The following STXBP4 variants were observed in gnomAD, a reference collection of about 807,000 sequenced individuals.
The protein encoded by STXBP4 is syntaxin binding protein 4.
A neutral mutation model predicts 76.1 loss-of-function variants in STXBP4; 55 were observed. The ratio of observed to expected loss-of-function variants is 0.72; its 90% confidence interval spans 0.58 to 0.91. The LOEUF (loss-of-function observed/expected upper bound fraction) is 0.91. STXBP4 is among the 40% of genes least tolerant of loss of function. STXBP4 has a pLI of 0.00. For synonymous variants in STXBP4, 201 were observed against 220.2 expected, an observed-to-expected ratio of 0.91 and a Z score of 0.77; for missense variants, 618 against 636.9, an observed-to-expected ratio of 0.97 and a Z score of 0.32.
chr17:55,123,122 T>C (rs1033651379), intron 16 of STXBP4, among the ~76,000 whole-genome samples: 11 of 152,190 alleles, frequency 7.2e-5, no homozygotes, highest in Admixed American at 2.0e-4. Flanking sequence ...ATCTCAAAAC[T>C]TGATTTGCCC....
At chr17:55,001,292 GT>G (rs1213218460) in intron 7 of STXBP4, among the ~76,000 whole-genome samples, 1 of 152,010 alleles carries the variant, frequency 6.6e-6, no homozygotes, top group Admixed American at 6.5e-5. Flanking sequence ...AATGTATCTT[GT>G]TTTTTTGGAA....
At chr17:54,970,847 A>G (rs2077389249) in intron 1 of STXBP4, among the ~76,000 whole-genome samples, 1 of 152,184 alleles carries the variant, frequency 6.6e-6, no homozygotes, top group Admixed American at 6.5e-5. Flanking sequence ...ATGTACAGTG[A>G]TATTGATAGC....
chr17:55,174,393 T>G (rs2080421378), downstream of STXBP4, among the ~76,000 whole-genome samples: 3 of 152,216 alleles, frequency 2.0e-5, no homozygotes, highest in South Asian at 6.2e-4. Flanking sequence ...CTCATGGGTA[T>G]GTAGTGGTAT....
In STXBP4 at chr17:55,161,101, G is replaced by A. The variant is rs912054448; in HGVS notation, c.*1190G>A. 3.9e-5 allele frequency: 6 copies of A among 152,226 alleles called. No homozygotes were observed. The highest frequency in any genetic ancestry group is 1.4e-4 in the African/African-American group (6 of 41,462). The allele number at this position is 152,226 out of a possible 1,614,324, so 9.4% of individuals were successfully genotyped here. On this transcript the variant is annotated 3_prime_UTR_variant, in exon 18 of 18. Transcript: ENST00000376352. ...AACCATTCATTGTAGCCATTTTATAGTTGAGTAAACTGAGATCTTAAGTCT... is the reference window on the plus strand; with the variant it reads ...AACCATTCATTGTAGCCATTTTATAATTGAGTAAACTGAGATCTTAAGTCT...
intron 16 of STXBP4, among the ~76,000 whole-genome samples, chr17:55,111,521 A>T (rs1196730732): frequency 6.6e-6 from 1 of 152,152 alleles, no homozygotes; most frequent in Non-Finnish European, 1.5e-5. Context: ...ATTCCTCCTG[A>T]ATGGGTTAAC....
intron 7 of STXBP4, among the ~76,000 whole-genome samples, chr17:55,001,599 A>G (rs1354748461): frequency 6.6e-6 from 1 of 152,214 alleles, no homozygotes; most frequent in African/African-American, 2.4e-5. Context: ...TTACCTGTAT[A>G]TTTTAATTTT....
chr17:55,049,300 G>C (rs2078830016), intron 12 of STXBP4, among the ~76,000 whole-genome samples: 1 of 151,906 alleles, frequency 6.6e-6, no homozygotes, highest in Non-Finnish European at 1.5e-5. Flanking sequence ...TTTGGAAAAT[G>C]TTCCCAAATG....
intron 8 of STXBP4, 155 bp from the exon 9 acceptor site, chr17:55,031,013 A>T: frequency 3.6e-6 from 2 of 556,044 alleles, no homozygotes; most frequent in Non-Finnish European, 3.2e-6. Flanking sequence ...TTCAATAGGC[A>T]CTTAATCCAT....
chr17:55,028,794 A>G (rs2078457595), intron 8 of STXBP4, among the ~76,000 whole-genome samples: 1 of 152,224 alleles, frequency 6.6e-6, no homozygotes, highest in Non-Finnish European at 1.5e-5. Flanking sequence ...TTTCAAATAC[A>G]ACATTGACAA....
chr17:55,175,660 G>T (rs1231051282), downstream of STXBP4, among the ~76,000 whole-genome samples: 1 of 152,300 alleles, frequency 6.6e-6, no homozygotes, highest in Non-Finnish European at 1.5e-5. Flanking sequence ...TTTAGAGTCG[G>T]GGGACAAAGG....
chr17:55,069,165 A>G (rs916777886), intron 12 of STXBP4, among the ~76,000 whole-genome samples: 1 of 151,990 alleles, frequency 6.6e-6, no homozygotes, highest in Non-Finnish European at 1.5e-5. Context: ...AAAAAAAAAA[A>G]AAAAAAATAA....
At chr17:55,201,508 A>C in the STXBP4 span, among the ~76,000 whole-genome samples, 1 of 152,182 alleles carries the variant, frequency 6.6e-6, no homozygotes, top group South Asian at 2.1e-4. Context: ...TTGTGTTATT[A>C]ATAAAAATAA....
chr17:54,984,326 CTTTTTCT>C lies in STXBP4; in HGVS notation c.-156-1275_-156-1269del, dbSNP rs1278601196. Reference sequence around the variant, plus strand: ...GAGTCTTCAATTTCTCTGGGACTCTCTTTTTCTTTTTTCTTTTTTTTTTTTTTTTTTT... The same window carrying C: ...GAGTCTTCAATTTCTCTGGGACTCTCTTTTTCTTTTTTTTTTTTTTTTTTT... On this transcript the variant is annotated intron_variant, in intron 1 of 17. Coordinates refer to ENST00000376352, the MANE Select transcript of STXBP4 (RefSeq NM_178509.6). 6.9e-3 allele frequency among the ~76,000 whole-genome samples: 948 copies of C among 137,742 alleles called. 8 individuals are homozygous for C. Among genetic ancestry groups the C allele is most frequent in the Middle Eastern group, 0.011 (3 of 266 alleles). The allele number at this position is 137,742 out of a possible 152,430, so 90.4% of individuals were successfully genotyped here. A position where few individuals can be genotyped will look rare whatever the true frequency, so the allele number is the denominator to read the frequency against.
the STXBP4 span, among the ~76,000 whole-genome samples, chr17:55,212,577 T>C: frequency 6.6e-6 from 1 of 152,226 alleles, no homozygotes; most frequent in African/African-American, 2.4e-5. Context: ...TGTATCTCAG[T>C]ACACTTCTAT....
Position 55,023,255 on chromosome 17 carries a change from C to CCACT in STXBP4, c.667-7911_667-7908dup, listed in dbSNP as rs58484145. On this transcript the variant is annotated intron_variant, in intron 8 of 17. Transcript: ENST00000376352. ...TTGTATAATCCAGGAAATCCAGAAG[C>CCACT]CACTCCTGCCATGAATATAGGGTTG... 1.3e-3 allele frequency among the ~76,000 whole-genome samples: 199 copies of CCACT among 152,256 alleles called. 6 individuals carry two copies. In the East Asian group the frequency reaches 0.029, roughly 22 times the overall value.
rs1223223320 is a variant in STXBP4, at chr17:54,999,751, C to G, written c.407C>G (p.Thr136Arg). 6.2e-7 allele frequency: 1 copy of G among 1,613,576 alleles called. No homozygotes were observed. Residue 136 changes from threonine (T) to arginine (R), a missense_variant, in exon 6 of 18, where the codon ACA (threonine) becomes AGA (arginine). Transcript: ENST00000376352. Reference sequence around the variant, plus strand: ...GGAGAATATGGACCTCAAGCCTCAACATTAAGTCTTTTTTCTTCTCCTCCT... The same window carrying G: ...GGAGAATATGGACCTCAAGCCTCAAGATTAAGTCTTTTTTCTTCTCCTCCT... ...ASGEYGPQAS[T>R]LSLFSSPPEI... is the part of the protein sequence containing the mutation.
At chr17:55,081,778 T>C (rs1374683302) in intron 16 of STXBP4, among the ~76,000 whole-genome samples, 1 of 152,104 alleles carries the variant, frequency 6.6e-6, no homozygotes, top group Non-Finnish European at 1.5e-5. Flanking sequence ...AAAATACCTC[T>C]CTAAAGGAAC....
At chr17:55,056,754 A>G (rs1312632080) in intron 12 of STXBP4, among the ~76,000 whole-genome samples, 1 of 152,112 alleles carries the variant, frequency 6.6e-6, no homozygotes, top group Non-Finnish European at 1.5e-5. Flanking sequence ...TGTAATCTCA[A>G]AACTTTGGGA....
At chr17:55,011,898 T>C (rs1251487387) in intron 8 of STXBP4, among the ~76,000 whole-genome samples, 1 of 152,062 alleles carries the variant, frequency 6.6e-6, no homozygotes, top group Non-Finnish European at 1.5e-5. Context: ...CGACGACCGC[T>C]CTAACTGCTT....
Sources: gnomAD v4.1 joint callset for allele counts (sites outside exome capture counted in the v4.1 genomes callset) on GRCh38, gnomAD v4.1.1 for gene constraint, MANE v1.5 for transcripts, NCBI Gene and HGNC (gene_info 2026-07-23, HGNC 2026-07-21) for gene names.